HSD17B4: variants seen among roughly 807,000 people sequenced by gnomAD.
HSD17B4 encodes hydroxysteroid 17-beta dehydrogenase 4, also known as peroxisomal multifunctional enzyme type 2.
A neutral mutation model predicts 101.0 loss-of-function variants in HSD17B4; 70 were observed. The ratio of observed to expected loss-of-function variants is 0.69; its 90% confidence interval spans 0.57 to 0.85. HSD17B4 has a LOEUF of 0.85. Ranked by LOEUF, HSD17B4 falls within the 40% of genes least tolerant of loss-of-function variation. HSD17B4 has a pLI of 0.00. For missense variants in HSD17B4, 984 were observed against 892.4 expected (o/e 1.10, Z -1.31); for synonymous variants, 347 against 297.1 (o/e 1.17, Z -1.73).
chr5:119,542,083 C>A lies in HSD17B4; in HGVS notation c.*89C>A, dbSNP rs548765401. ...GATTATTCTGCAAAAGTGATTAGAA[C>A]TAAGATGCAGGGGAAATTGCTTAAC... On this transcript the variant is annotated 3_prime_UTR_variant, in exon 24 of 24. Transcript: ENST00000510025. 3.3e-5 allele frequency: 29 copies of A among 868,670 alleles called. No homozygotes were observed. In the African/African-American group the frequency reaches 4.2e-4, roughly 12 times the overall value. The allele number at this position is 868,670 out of a possible 1,614,324, so 53.8% of individuals were successfully genotyped here.
intron 4 of HSD17B4, 113 bp from the exon 5 acceptor site, chr5:119,475,593 T>C: frequency 1.2e-6 from 1 of 812,646 alleles, no homozygotes; most frequent in South Asian, 1.5e-5. Context: ...TTACCTATTA[T>C]ATTTACTTTT....
chr5:119,517,005 C>A (rs1225440998), intron 17 of HSD17B4, among the ~76,000 whole-genome samples: 2 of 152,270 alleles, frequency 1.3e-5, no homozygotes, highest in African/African-American at 4.8e-5. Flanking sequence ...ACTTTGGCGG[C>A]ACTTGAGGAG....
intron 8 of HSD17B4, among the ~76,000 whole-genome samples, chr5:119,485,778 A>G (rs931496941): frequency 2.0e-5 from 3 of 152,148 alleles, no homozygotes; most frequent in Non-Finnish European, 4.4e-5. Context: ...ATAAAATAAA[A>G]CCCTATAATG....
At chr5:119,518,613 A>G (rs1752853738) in intron 17 of HSD17B4, among the ~76,000 whole-genome samples, 1 of 152,234 alleles carries the variant, frequency 6.6e-6, no homozygotes, top group Non-Finnish European at 1.5e-5. Context: ...GAATTAGAGC[A>G]TTCACATTGG....
intron 8 of HSD17B4, among the ~76,000 whole-genome samples, chr5:119,481,410 A>G (rs990425110): frequency 1.5e-4 from 23 of 152,130 alleles, no homozygotes; most frequent in Non-Finnish European, 7.4e-5. Flanking sequence ...AGTTCGTTGG[A>G]TACAGAATTC....
rs1338970262 is a variant in HSD17B4 at position 119,452,610 on chromosome 5, T to C, written c.35T>C (p.Val12Ala). 2 of 1,613,816 alleles carry C rather than the reference T, an allele frequency of 1.2e-6. No individual in the cohort carries two copies. The highest frequency in any genetic ancestry group is 1.7e-6 in the Non-Finnish European group (2 of 1,179,994). Reference protein sequence around the residue: ...GSPLRFDGRVVLVTGAGAGLG... With the variant: ...GSPLRFDGRVALVTGAGAGLG... ...CCGCTGAGGTTCGACGGGCGGGTGG[T>C]ACTGGTCACCGGCGCGGGGGCAGGT... is the stretch of plus-strand genomic sequence containing the variant. The change falls in exon 1 of 24, where the codon GTA becomes GCA. Residue 12 changes from valine (V) to alanine (A), a missense_variant. Coordinates refer to ENST00000510025, the MANE Select transcript of HSD17B4 (RefSeq NM_000414.4).
At chr5:119,463,655 C>CTTTTTTTTTTTTTTTTTTTT (rs57252147) in intron 2 of HSD17B4, among the ~76,000 whole-genome samples, 1 of 29,688 alleles carries the variant, frequency 3.4e-5, no homozygotes, top group Non-Finnish European at 8.1e-5. Context: ...ATTTATATGT[C>CTTTTTTTTTTTTTTTTTTTT]TTTTTTTTTT....
At chr5:119,475,766 A>AT in intron 5 of HSD17B4, 39 bp downstream of exon 5, 4 of 1,581,412 alleles carry the variant, frequency 2.5e-6, no homozygotes, top group East Asian at 2.2e-5. Flanking sequence ...TGTGTGTATA[A>AT]TTTTTTTAAA....
intron 2 of HSD17B4, among the ~76,000 whole-genome samples, chr5:119,465,453 T>C (rs1755713236): frequency 6.6e-6 from 1 of 152,194 alleles, no homozygotes; most frequent in Non-Finnish European, 1.5e-5. Flanking sequence ...GCCATTGTGA[T>C]GCACTTGCTC....
Position 119,515,012 on chromosome 5 carries a change from A to G in HSD17B4, c.1469A>G (p.Asp490Gly), listed in dbSNP as rs773130893. The change falls in exon 17 of 24, where the codon GAT becomes GGT. Residue 490 changes from aspartate to glycine, a missense_variant. Transcript: ENST00000510025. ...GTAGCCATACCTAATAGACCTCCTG[A>G]TGCTGTACTTACAGATACCACCTCT... ...VAVAIPNRPP[D>G]AVLTDTTSLN... 2 of 1,586,500 alleles carry G rather than the reference A, an allele frequency of 1.3e-6. No homozygotes were observed. Among genetic ancestry groups the G allele is most frequent in the East Asian group, 2.2e-5 (1 of 44,610 alleles).
intron 4 of HSD17B4, among the ~76,000 whole-genome samples, chr5:119,475,034 C>A (rs1020746674): frequency 1.3e-5 from 2 of 152,198 alleles, no homozygotes; most frequent in Non-Finnish European, 1.5e-5. Flanking sequence ...TGTTTACAAT[C>A]TGAAAAACAT....
rs1289348143 is a variant in HSD17B4 at position 119,477,429 on chromosome 5, G to A, written c.362G>A (p.Arg121Lys). Residue 121 changes from arginine (R) to lysine (K), a missense_variant, in exon 7 of 24, where the codon AGA becomes AAA. Physicochemically the swap from Arg to Lys is conservative, Grantham distance 26. Coordinates refer to ENST00000510025, the MANE Select transcript of HSD17B4 (RefSeq NM_000414.4). ...ISDEDWDIIH[R>K]VHLRGSFQVT... ...TTTATTGTTTTAGATATAATCCACA[G>A]AGTTCATTTGCGGGGTTCATTCCAA... 3 of 1,607,568 alleles carry A rather than the reference G, an allele frequency of 1.9e-6. No homozygotes were observed. Among genetic ancestry groups the A allele is most frequent in the Middle Eastern group, 1.7e-4 (1 of 6,046 alleles).
In HSD17B4 at chr5:119,502,112, A is replaced by C. The variant is rs1321155898; in HGVS notation, c.1261+20A>C. The stretch of plus-strand genomic sequence containing the variant: ...GAGCAGGTGAGTTATTGATATACTA[A>C]TTCCATAATACCATACTTTTATTTC... On this transcript the variant is annotated intron_variant, in intron 14 of 23. Coordinates refer to ENST00000510025, the MANE Select transcript of HSD17B4 (RefSeq NM_000414.4). 2 of 1,418,654 alleles carry C rather than the reference A, an allele frequency of 1.4e-6. No homozygotes were observed. The highest frequency in any genetic ancestry group is 2.8e-5 in the African/African-American group (2 of 70,900). The allele number at this position is 1,418,654 out of a possible 1,614,324, so 87.9% of individuals were successfully genotyped here.
chr5:119,466,470 C>T (rs111312749), intron 2 of HSD17B4, among the ~76,000 whole-genome samples: 2 of 152,026 alleles, frequency 1.3e-5, no homozygotes, highest in African/African-American at 4.8e-5. Context: ...CTTTTTATAC[C>T]CGCTTCAATC....
intron 23 of HSD17B4, among the ~76,000 whole-genome samples, chr5:119,540,727 C>T (rs1490916171): frequency 6.6e-6 from 1 of 152,170 alleles, no homozygotes; most frequent in Non-Finnish European, 1.5e-5. Context: ...TTCTCCAGTT[C>T]ACGAGGGTTT....
At chr5:119,515,817 T>A (rs987384780) in intron 17 of HSD17B4, among the ~76,000 whole-genome samples, 4 of 152,046 alleles carry the variant, frequency 2.6e-5, no homozygotes, top group African/African-American at 9.7e-5. Flanking sequence ...TTAAAAAAAT[T>A]TTTGGTTGTA....
intron 14 of HSD17B4, among the ~76,000 whole-genome samples, chr5:119,504,167 T>A (rs1042526245): frequency 3.9e-5 from 6 of 152,216 alleles, no homozygotes; most frequent in African/African-American, 1.2e-4. Context: ...ACATTTTCTT[T>A]ATCCATTTCA....
intron 1 of HSD17B4, chr5:119,452,952 T>G (rs1166526999): frequency 9.7e-7 from 1 of 1,035,514 alleles, no homozygotes; most frequent in Non-Finnish European, 1.4e-6. Context: ...TGGGCATCGA[T>G]TGTTACTCTT....
In HSD17B4 at chr5:119,473,758, G is replaced by A. The variant is rs1024184439; in HGVS notation, c.113-150G>A. The A allele has an allele frequency of 4.4e-6, 3 of 680,106 alleles. No individual in the cohort carries two copies. The African/African-American group carries it at 5.4e-5, about 12-fold the overall frequency. 42.1% of individuals were successfully genotyped at this position (680,106 alleles called of 1,614,324 possible). The stretch of plus-strand genomic sequence containing the variant: ...GGAATGTTTTGAAAATGGCTGTGTT[G>A]TGTTTAGTAAGATGGGATAGGGTAG... On this transcript the variant is annotated intron_variant, in intron 2 of 23. Coordinates refer to ENST00000510025, the MANE Select transcript of HSD17B4 (RefSeq NM_000414.4).
Sources: allele counts gnomAD v4.1 joint callset (sites outside exome capture counted in the v4.1 genomes callset), GRCh38; gene constraint gnomAD v4.1.1; transcripts MANE v1.5; gene names NCBI Gene and HGNC (gene_info 2026-07-23, HGNC 2026-07-21).